The following AGAP1 variants were observed in gnomAD, a reference collection of about 807,000 sequenced individuals.
AGAP1 encodes the protein arf-GAP with GTPase, ANK repeat and PH domain-containing protein 1.
In AGAP1, 29 loss-of-function variants were observed where a neutral mutation model predicts 105.3. The observed-to-expected ratio is 0.28, with a 90% CI of 0.21 to 0.38. The LOEUF (loss-of-function observed/expected upper bound fraction) is 0.38. Ranked by LOEUF, AGAP1 falls within the 10% of genes least tolerant of loss-of-function variation. The pLI, the probability that AGAP1 is intolerant of heterozygous loss-of-function variation, is 1.00. For missense variants in AGAP1, 998 were observed against 1,165.1 expected (o/e 0.86, Z 2.09); for synonymous variants, 509 against 485.9 (o/e 1.05, Z -0.63).
At chr2:235,819,907 T>TC (rs1553641613) in intron 9 of AGAP1, among the ~76,000 whole-genome samples, 2 of 148,510 alleles carry the variant, frequency 1.3e-5, no homozygotes, top group Non-Finnish European at 1.5e-5. Context: ...TTTCTTTCTT[T>TC]TTTTTTTTTT....
rs1031450801 is a variant in AGAP1 at position 235,962,876 on chromosome 2, G to A, written c.1484-5586G>A. Among the ~76,000 whole-genome samples the A allele has an allele frequency of 1.3e-5, 2 of 152,156 alleles. No individual in the cohort carries two copies. Among genetic ancestry groups the A allele is most frequent in the Non-Finnish European group, 2.9e-5 (2 of 68,034 alleles). ...GCACCTCTGGCTTCTACCATCTGAT[G>A]CCTGTAGCACCTCCACTCCACCCAG... is the stretch of plus-strand genomic sequence containing the variant. On this transcript the variant is annotated intron_variant, in intron 12 of 17. Transcript: ENST00000304032. This position sits in a 1 kb window ranked among gnomAD's most constrained non-coding sequence, Gnocchi z 5.3.
At chr2:236,117,935 A>G (rs1485967245) in intron 16 of AGAP1, among the ~76,000 whole-genome samples, 2 of 152,154 alleles carry the variant, frequency 1.3e-5, no homozygotes, top group Non-Finnish European at 2.9e-5. Flanking sequence ...GGCCGGTGTC[A>G]GTTCTCAGCT....
In AGAP1 at chr2:235,494,793, G is replaced by A. The variant is rs1941236421; in HGVS notation, c.107G>A (p.Arg36His). ...NIYSIYELLE[R>H]VEEPVLQNQI... The stretch of plus-strand genomic sequence containing the variant: ...TACTCCATCTACGAGCTGCTGGAGC[G>A]CGTGGAGGAGCCGGTGCTGCAGAAC... The change falls in exon 1 of 18, where the codon CGC becomes CAC. Residue 36 changes from arginine to histidine, a missense_variant. Arg to His is a conservative substitution (Grantham distance 29, BLOSUM62 0). Coordinates refer to ENST00000304032, the MANE Select transcript of AGAP1 (RefSeq NM_001037131.3). 1 of 1,584,996 alleles carries A rather than the reference G, an allele frequency of 6.3e-7. No individual in the cohort carries two copies. Among genetic ancestry groups the A allele is most frequent in the Non-Finnish European group, 8.6e-7 (1 of 1,165,652 alleles).
chr2:235,572,127 C>G (rs931418372), intron 1 of AGAP1, among the ~76,000 whole-genome samples: 47 of 150,696 alleles, frequency 3.1e-4, no homozygotes, highest in African/African-American at 1.0e-3. Flanking sequence ...TGGGTCTGAA[C>G]TTTATTGAGC....
At chr2:235,860,027 C>T (rs1318925499) in intron 9 of AGAP1, among the ~76,000 whole-genome samples, 3 of 152,236 alleles carry the variant, frequency 2.0e-5, no homozygotes, top group African/African-American at 7.2e-5. Flanking sequence ...TAATTGCTTT[C>T]TTCTGTCCTC....
In AGAP1 at chr2:235,967,929, A is replaced by G; in HGVS notation, c.1484-533A>G. On this transcript the variant is annotated intron_variant, in intron 12 of 17. Coordinates refer to ENST00000304032, the MANE Select transcript of AGAP1 (RefSeq NM_001037131.3). This position sits in a 1 kb window ranked among gnomAD's most constrained non-coding sequence, Gnocchi z 4.7. The stretch of plus-strand genomic sequence containing the variant: ...TCACTGGACATTGGTGAGAGAGAGA[A>G]AAAAATGGCATAGAATTTTTCACTG... 6.6e-6 allele frequency among the ~76,000 whole-genome samples: 1 copy of G among 152,216 alleles called. No individual in the cohort carries two copies.
chr2:235,884,039 G>A (rs181960734), intron 10 of AGAP1, among the ~76,000 whole-genome samples: 1 of 152,248 alleles, frequency 6.6e-6, no homozygotes, highest in East Asian at 1.9e-4. Context: ...AAATGCAGAC[G>A]TTCTACCCAT....
intron 1 of AGAP1, among the ~76,000 whole-genome samples, chr2:235,567,893 G>A (rs1944398435): frequency 6.6e-6 from 1 of 152,118 alleles, no homozygotes; most frequent in South Asian, 2.1e-4. Context: ...TATGCGGAGG[G>A]GCTTGAAAAC....
At chr2:235,670,935 C>A in intron 1 of AGAP1, 2 of 1,320,722 alleles carry the variant, frequency 1.5e-6, no homozygotes, top group Admixed American at 3.9e-5. Context: ...GACGGGGGCC[C>A]GGGCGGCGGG....
intron 6 of AGAP1, among the ~76,000 whole-genome samples, chr2:235,784,169 T>C (rs537549526): frequency 1.3e-5 from 2 of 151,964 alleles, no homozygotes; most frequent in South Asian, 2.1e-4. Flanking sequence ...AAAAATGTCA[T>C]TGTAGGTCTC....
Position 235,884,839 on chromosome 2 carries a change from G to A in AGAP1, c.1155+1390G>A, listed in dbSNP as rs568274518. Among the ~76,000 whole-genome samples the A allele has an allele frequency of 1.5e-3, 222 of 150,186 alleles. 2 individuals carry two copies. The highest frequency in any genetic ancestry group is 5.0e-3 in the African/African-American group (206 of 41,120). On this transcript the variant is annotated intron_variant, in intron 10 of 17. Transcript: ENST00000304032. ...ACAAAAGGCAACTTTATATCACTGT[G>A]TCAGGCTAGTAGTAATAGTCACAGC...
At position 235,845,506 on chromosome 2, in the gene AGAP1, T is replaced by C. The variant is rs755782995; in HGVS notation, c.1051-37839T>C. Among the ~76,000 whole-genome samples the C allele has an allele frequency of 1.3e-5, 2 of 152,110 alleles. No homozygotes were observed. The highest frequency in any genetic ancestry group is 2.9e-5 in the Non-Finnish European group (2 of 68,022). On this transcript the variant is annotated intron_variant, in intron 9 of 17. Coordinates refer to ENST00000304032, the MANE Select transcript of AGAP1 (RefSeq NM_001037131.3). This position sits in a 1 kb window ranked among gnomAD's most constrained non-coding sequence, Gnocchi z 4.8. The stretch of plus-strand genomic sequence containing the variant: ...GGGCTTCCTGAGGACACCCCATTCT[T>C]AGCTGTGGGGTCACCACTATCCACC...
In AGAP1 at chr2:235,674,282, G is replaced by A. The variant is rs76089737; in HGVS notation, c.164-34897G>A. 7.2e-3 allele frequency among the ~76,000 whole-genome samples: 1,100 copies of A among 152,310 alleles called. 20 individuals are homozygous for A. The highest frequency in any genetic ancestry group is 0.025 in the African/African-American group (1,045 of 41,572). On this transcript the variant is annotated intron_variant, in intron 1 of 17. Transcript: ENST00000304032. ...CCTGTGTCAGATCAAGGGCAGTTTC[G>A]TGTTAACTGATACACATGTGTTAGG...
rs1479051657 is a variant in AGAP1, at chr2:236,128,053, G to T, written c.*3931G>T. 2 of 150,390 alleles carry T rather than the reference G, an allele frequency of 1.3e-5. No individual in the cohort carries two copies. The highest frequency in any genetic ancestry group is 4.9e-5 in the African/African-American group (2 of 40,740). 9.3% of individuals were successfully genotyped at this position (150,390 alleles called of 1,614,324 possible). ...GTCCTCCAGCCTGCATTCTGGGGAGGCTGTGATGGGCACGTTTGCCAACCC... is the reference window on the plus strand; with the variant it reads ...GTCCTCCAGCCTGCATTCTGGGGAGTCTGTGATGGGCACGTTTGCCAACCC... On this transcript the variant is annotated 3_prime_UTR_variant, in exon 18 of 18. Coordinates refer to ENST00000304032, the MANE Select transcript of AGAP1 (RefSeq NM_001037131.3). The surrounding 1 kb of genome is among the most constrained non-coding windows in gnomAD (Gnocchi z 5.9).
chr2:236,038,161 C>T lies in AGAP1; in HGVS notation c.1800+1446C>T, dbSNP rs926281111. Among the ~76,000 whole-genome samples, 4 of 152,166 alleles carry T rather than the reference C, an allele frequency of 2.6e-5. No homozygotes were observed. Among genetic ancestry groups the T allele is most frequent in the African/African-American group, 7.2e-5 (3 of 41,436 alleles). On this transcript the variant is annotated intron_variant, in intron 14 of 17. Transcript: ENST00000304032. This position sits in a 1 kb window ranked among gnomAD's most constrained non-coding sequence, Gnocchi z 4.5. ...CATACACCCTGGCTTTACTGGGTCA[C>T]GTCCACATGCATCCATGATGTGCCT... is the stretch of plus-strand genomic sequence containing the variant.
rs1407586424 is a variant in AGAP1 at position 235,959,074 on chromosome 2, G to C, written c.1484-9388G>C. 6.6e-6 allele frequency among the ~76,000 whole-genome samples: 1 copy of C among 152,180 alleles called. No homozygotes were observed. Among genetic ancestry groups the C allele is most frequent in the African/African-American group, 2.4e-5 (1 of 41,458 alleles). Reference sequence around the variant, plus strand: ...TCGGGACCCCAGTCCCTCCGTCAGAGCCGGTTTAGATGTGGAGTAATGAGG... The same window carrying C: ...TCGGGACCCCAGTCCCTCCGTCAGACCCGGTTTAGATGTGGAGTAATGAGG... On this transcript the variant is annotated intron_variant, in intron 12 of 17. Coordinates refer to ENST00000304032, the MANE Select transcript of AGAP1 (RefSeq NM_001037131.3). The surrounding 1 kb of genome is among the most constrained non-coding windows in gnomAD (Gnocchi z 7.3).
intron 1 of AGAP1, among the ~76,000 whole-genome samples, chr2:235,584,035 A>G (rs1011281367): frequency 6.6e-6 from 1 of 152,086 alleles, no homozygotes. Context: ...TGAATTGCCC[A>G]CATTGCATTA....
intron 6 of AGAP1, among the ~76,000 whole-genome samples, chr2:235,778,158 G>A (rs941164536): frequency 5.3e-5 from 8 of 152,110 alleles, no homozygotes; most frequent in Non-Finnish European, 1.0e-4. Flanking sequence ...AGACCCCTGG[G>A]CCACTCTGAC....
Position 235,956,972 on chromosome 2 carries a change from T to C in AGAP1, c.1484-11490T>C, listed in dbSNP as rs116095112. 5.4e-3 allele frequency among the ~76,000 whole-genome samples: 820 copies of C among 152,376 alleles called. 7 individuals are homozygous for C. Among genetic ancestry groups the C allele is most frequent in the African/African-American group, 0.019 (777 of 41,596 alleles). On this transcript the variant is annotated intron_variant, in intron 12 of 17. Transcript: ENST00000304032. ...TATTTAATTGCTTTGTAGCATTTAATACAACGACCTCTCCCATTTTTTTTA... is the reference window on the plus strand; with the variant it reads ...TATTTAATTGCTTTGTAGCATTTAACACAACGACCTCTCCCATTTTTTTTA...
Sources: gnomAD v4.1 joint callset for allele counts (sites outside exome capture counted in the v4.1 genomes callset) on GRCh38, gnomAD v4.1.1 for gene constraint, Gnocchi (gnomAD v3.1) non-coding constraint, MANE v1.5 for transcripts, NCBI Gene and HGNC (gene_info 2026-07-23, HGNC 2026-07-21) for gene names.